Variants in CCDC66 observed in about 807,000 individuals in gnomAD.
CCDC66 encodes the protein coiled-coil domain-containing protein 66.
A neutral mutation model predicts 128.3 loss-of-function variants in CCDC66; 133 were observed. The observed-to-expected ratio is 1.04, with a 90% confidence interval of 0.90 to 1.20. CCDC66 has a LOEUF of 1.20. Among genes scored for constraint, CCDC66 ranks in the 50% most tolerant of loss-of-function variants. The pLI, the probability that CCDC66 is intolerant of heterozygous loss-of-function variation, is 0.00. For missense variants in CCDC66, 1,126 were observed against 1,075.5 expected, an observed-to-expected ratio of 1.05 and a Z score of -0.66; for synonymous variants, 387 against 357.0, an observed-to-expected ratio of 1.08 and a Z score of -0.95.
At chr3:56,584,347 C>G (rs534770288) in intron 7 of CCDC66, among the ~76,000 whole-genome samples, 1 of 139,100 alleles carries the variant, frequency 7.2e-6, no homozygotes. Flanking sequence ...GGGCGGCTGC[C>G]GGGTAGAGGG....
intron 4 of CCDC66, among the ~76,000 whole-genome samples, chr3:56,565,378 A>G (rs1383821482): frequency 6.7e-6 from 1 of 150,322 alleles, no homozygotes; most frequent in Non-Finnish European, 1.5e-5. Flanking sequence ...GGTTCACACC[A>G]TTCTCCTGCC....
At chr3:56,613,502 A>C in intron 10 of CCDC66, 87 bp from the exon 11 acceptor site, 2 of 1,473,686 alleles carry the variant, frequency 1.4e-6, no homozygotes, top group Non-Finnish European at 9.1e-7. Flanking sequence ...AGAGGTGAGC[A>C]CTGAATGTAT....
chr3:56,565,868 G>A (rs1386519257), intron 4 of CCDC66, among the ~76,000 whole-genome samples: 5 of 151,886 alleles, frequency 3.3e-5, no homozygotes, highest in Admixed American at 6.6e-5. Flanking sequence ...GGGTTTCACC[G>A]TGTTCGCCAG....
chr3:56,617,431 A>G lies in CCDC66; in HGVS notation c.2163A>G (p.Lys721=), dbSNP rs150461607. 1.2e-6 allele frequency: 2 copies of G among 1,614,118 alleles called. No homozygotes were observed. The highest frequency in any genetic ancestry group is 1.7e-6 in the Non-Finnish European group (2 of 1,180,008). ...RYIPASEKYP[K]QLQKQREEKK... ...TTCCAGCATCAGAAAAGTACCCTAAACAGCTTCAAAAGCAGAGAGAAGAAA... is the reference window on the plus strand; with the variant it reads ...TTCCAGCATCAGAAAAGTACCCTAAGCAGCTTCAAAAGCAGAGAGAAGAAA... Residue 721 remains lysine (K), a synonymous_variant, in exon 14 of 18, where the codon AAA becomes AAG. Coordinates refer to ENST00000394672, the MANE Select transcript of CCDC66 (RefSeq NM_001141947.3).
At chr3:56,618,408 G>A (rs1336564685) in intron 15 of CCDC66, 196 bp downstream of exon 15, 1 of 516,798 alleles carries the variant, frequency 1.9e-6, no homozygotes, top group Admixed American at 3.4e-5. Context: ...GTTGGACTGG[G>A]CCTAGGCAGG....
At chr3:56,563,033 A>C (rs979594884) in intron 3 of CCDC66, among the ~76,000 whole-genome samples, 2 of 152,142 alleles carry the variant, frequency 1.3e-5, no homozygotes, top group African/African-American at 4.8e-5. Flanking sequence ...AAGTGAGCTG[A>C]TATTAAACAA....
chr3:56,608,405 A>G (rs2074355966), intron 10 of CCDC66, among the ~76,000 whole-genome samples: 1 of 152,050 alleles, frequency 6.6e-6, no homozygotes, highest in Non-Finnish European at 1.5e-5. Flanking sequence ...TTTCTAGTTT[A>G]TGTGTGTAAA....
intron 10 of CCDC66, among the ~76,000 whole-genome samples, chr3:56,610,138 A>C (rs894563337): frequency 6.6e-6 from 1 of 152,180 alleles, no homozygotes; most frequent in African/African-American, 2.4e-5. Context: ...AGGCCAGGGA[A>C]GTTTTCCTCA....
Position 56,557,179 on chromosome 3 carries a change from G to C in CCDC66, c.-64G>C. On this transcript the variant is annotated 5_prime_UTR_variant, in exon 1 of 18. Coordinates refer to ENST00000394672, the MANE Select transcript of CCDC66 (RefSeq NM_001141947.3). ...CCAATTGGCGTAGCGCTTGCTGAGCGGCGGCGGCAACCGACGTACACAAGG... is the reference window on the plus strand; with the variant it reads ...CCAATTGGCGTAGCGCTTGCTGAGCCGCGGCGGCAACCGACGTACACAAGG... 6.5e-7 allele frequency: 1 copy of C among 1,548,242 alleles called. No individual in the cohort carries two copies. The highest frequency in any genetic ancestry group is 8.7e-7 in the Non-Finnish European group (1 of 1,144,372).
intron 7 of CCDC66, among the ~76,000 whole-genome samples, chr3:56,576,878 C>T (rs1481520901): frequency 6.6e-6 from 1 of 151,752 alleles, no homozygotes; most frequent in Non-Finnish European, 1.5e-5. Flanking sequence ...CCGCAGTAAA[C>T]ATACGTATGC....
At chr3:56,593,396 A>T (rs2071286917) in intron 8 of CCDC66, 95 bp from the exon 9 acceptor site, 2 of 1,372,204 alleles carry the variant, frequency 1.5e-6, no homozygotes, top group Admixed American at 2.0e-5. Flanking sequence ...ATTCTGCTCT[A>T]AGGTGACTTT....
At chr3:56,619,149 G>T in intron 15 of CCDC66, 122 bp from the exon 16 acceptor site, 1 of 768,370 alleles carries the variant, frequency 1.3e-6, no homozygotes, top group Non-Finnish European at 2.0e-6. Context: ...AGCTGAGATC[G>T]CGCCACTGCA....
Position 56,594,187 on chromosome 3 carries a change from A to G in CCDC66, c.1404+159A>G, listed in dbSNP as rs568670619. On this transcript the variant is annotated intron_variant, in intron 10 of 17. Transcript: ENST00000394672. ...AATCCCTACCACAACTGGCATTGTAATATTAGAATTAGCTTATCAAATGCT... is the reference window on the plus strand; with the variant it reads ...AATCCCTACCACAACTGGCATTGTAGTATTAGAATTAGCTTATCAAATGCT... 1.7e-3 allele frequency among the ~76,000 whole-genome samples: 265 copies of G among 152,292 alleles called. 1 individual carries two copies. The highest frequency in any genetic ancestry group is 2.7e-3 in the Non-Finnish European group (184 of 68,022).
intron 10 of CCDC66, among the ~76,000 whole-genome samples, chr3:56,603,636 C>G (rs1043370495): frequency 2.0e-5 from 3 of 152,018 alleles, no homozygotes; most frequent in African/African-American, 7.3e-5. Context: ...TTTGATTGCA[C>G]TGTGGTCTGA....
chr3:56,612,378 A>T (rs2074962485), intron 10 of CCDC66, among the ~76,000 whole-genome samples: 1 of 152,218 alleles, frequency 6.6e-6, no homozygotes, highest in African/African-American at 2.4e-5. Context: ...CGGGGACACC[A>T]AATGGACCAG....
chr3:56,593,469 A>G (rs747424442), intron 8 of CCDC66, 22 bp from the exon 9 acceptor site: 1 of 1,604,272 alleles, frequency 6.2e-7, no homozygotes, highest in Non-Finnish European at 8.5e-7. Flanking sequence ...AATTCTTAGC[A>G]ATTCTTATTT....
At chr3:56,606,421 ATCTCCTGG>A (rs1258667280) in intron 10 of CCDC66, among the ~76,000 whole-genome samples, 1 of 152,082 alleles carries the variant, frequency 6.6e-6, no homozygotes, top group Non-Finnish European at 1.5e-5. Context: ...ACCAGAGGGA[ATCTCCTGG>A]TCTGCGGGTG....
chr3:56,585,130 AG>A (rs2069425120), intron 7 of CCDC66, among the ~76,000 whole-genome samples: 1 of 59,116 alleles, frequency 1.7e-5, no homozygotes, highest in Non-Finnish European at 7.1e-5. Context: ...GGAGAGGGAG[AG>A]GGAGGGAGAG....
In CCDC66 at chr3:56,599,528, T is replaced by C. The variant is rs541180391; in HGVS notation, c.1404+5500T>C. On this transcript the variant is annotated intron_variant, in intron 10 of 17. Coordinates refer to ENST00000394672, the MANE Select transcript of CCDC66 (RefSeq NM_001141947.3). ...TCCACTTTTTTGATATAGGCACTTATTGCTAAAATTTCCCTCTTAGCACTG... is the reference window on the plus strand; with the variant it reads ...TCCACTTTTTTGATATAGGCACTTACTGCTAAAATTTCCCTCTTAGCACTG... 4.2e-4 allele frequency among the ~76,000 whole-genome samples: 64 copies of C among 152,160 alleles called. No homozygotes were observed. In the South Asian group the frequency reaches 0.012, roughly 30 times the overall value.
Sources: gnomAD v4.1 joint callset for allele counts (sites outside exome capture counted in the v4.1 genomes callset) on GRCh38, gnomAD v4.1.1 for gene constraint, MANE v1.5 for transcripts, NCBI Gene and HGNC (gene_info 2026-07-23, HGNC 2026-07-21) for gene names.